PRH1: variants seen among roughly 807,000 people sequenced by gnomAD.
The protein encoded by PRH1 is salivary acidic proline-rich phosphoprotein 1/2.
Under a neutral mutation model 7.9 loss-of-function variants are expected in PRH1, and 7 were observed. That is an observed-to-expected ratio of 0.89 (90% CI 0.50 to 1.67). The LOEUF is 1.67. Among genes scored for constraint, PRH1 ranks in the 40% most tolerant of loss-of-function variants. The pLI is 0.00. For synonymous variants in PRH1, 45 were observed against 80.8 expected, an observed-to-expected ratio of 0.56 and a Z score of 2.38; for missense variants, 109 against 223.6, an observed-to-expected ratio of 0.49 and a Z score of 3.27.
chr12:10,941,538 ATTT>A (rs1436220935), intron 2 of PRH1, among the ~76,000 whole-genome samples: 7 of 149,014 alleles, frequency 4.7e-5, no homozygotes, highest in Non-Finnish European at 1.0e-4. Flanking sequence ...GTTTGAATTT[ATTT>A]ATTATTAAAA....
intron 1 of PRH1, among the ~76,000 whole-genome samples, chr12:11,104,455 T>TGAGA (rs71051566): frequency 2.0e-5 from 3 of 150,186 alleles, no homozygotes; most frequent in Admixed American, 6.7e-5. Context: ...CTCACATCTG[T>TGAGA]ATTATTATCT....
chr12:11,053,378 A>T (rs1943233801), intron 1 of PRH1, among the ~76,000 whole-genome samples: 1 of 152,268 alleles, frequency 6.6e-6, no homozygotes, highest in South Asian at 2.1e-4. Context: ...GAGCTTGATC[A>T]TGAAATGGTT....
chr12:11,074,795 G>T (rs1207770031), intron 1 of PRH1, among the ~76,000 whole-genome samples: 2 of 115,508 alleles, frequency 1.7e-5, no homozygotes, highest in Middle Eastern at 4.0e-3. Context: ...TTGGCCAAAG[G>T]TAAATAGAAA....
At chr12:10,884,049 C>T (rs931318093) in intron 1 of PRH1, 105 bp downstream of exon 1, 6 of 1,357,280 alleles carry the variant, frequency 4.4e-6, no homozygotes, top group Middle Eastern at 1.8e-4. Flanking sequence ...CTCTGCAGTC[C>T]CATCTGTTTT....
At chr12:10,992,636 C>T (rs1443688829) in intron 1 of PRH1, among the ~76,000 whole-genome samples, 1 of 152,168 alleles carries the variant, frequency 6.6e-6, no homozygotes, top group Non-Finnish European at 1.5e-5. Context: ...TGATCTGGAA[C>T]TCCTGGCCTC....
chr12:11,057,938 T>C (rs1943433062), intron 1 of PRH1, among the ~76,000 whole-genome samples: 1 of 152,256 alleles, frequency 6.6e-6, no homozygotes, highest in Non-Finnish European at 1.5e-5. Flanking sequence ...AAAAACATCA[T>C]GCTAATTTAA....
At chr12:11,081,038 C>G (rs78150800) in intron 1 of PRH1, among the ~76,000 whole-genome samples, 1 of 91,716 alleles carries the variant, frequency 1.1e-5, no homozygotes, top group African/African-American at 3.4e-5. Flanking sequence ...TACATGGAGG[C>G]ATACATTTTA....
chr12:11,114,409 A>G (rs1945674555), intron 1 of PRH1, among the ~76,000 whole-genome samples: 1 of 152,228 alleles, frequency 6.6e-6, no homozygotes, highest in Non-Finnish European at 1.5e-5. Flanking sequence ...ACAGGAACAG[A>G]AAACCAAACA....
chr12:11,027,478 A>G (rs1278991390), intron 1 of PRH1, among the ~76,000 whole-genome samples: 2 of 152,202 alleles, frequency 1.3e-5, no homozygotes, highest in African/African-American at 4.8e-5. Context: ...TCTTTTTTAC[A>G]GTATATGGCA....
chr12:10,991,985 G>A (rs7305588), intron 1 of PRH1, among the ~76,000 whole-genome samples: 46,124 of 151,786 alleles, frequency 0.3, 8,815 homozygotes, highest in East Asian at 0.73. Flanking sequence ...TTGATGGACC[G>A]ATAGTTGAAG....
At chr12:11,078,602 A>C (rs1429750158) in intron 1 of PRH1, 1 of 120,668 alleles carries the variant, frequency 8.3e-6, no homozygotes, top group East Asian at 2.0e-4. Flanking sequence ...ATTGTTTTGC[A>C]ATTTTTTTCC....
At chr12:10,986,726 G>C (rs1159549344) in intron 1 of PRH1, 17 of 1,612,920 alleles carry the variant, frequency 1.1e-5, no homozygotes, top group Non-Finnish European at 1.4e-5. Context: ...TGAGAATTTG[G>C]TCAGCTGAGG....
chr12:11,064,102 A>G (rs1943713997), intron 1 of PRH1, among the ~76,000 whole-genome samples: 1 of 152,140 alleles, frequency 6.6e-6, no homozygotes, highest in African/African-American at 2.4e-5. Context: ...GTCCACCTCC[A>G]TGCCACTTTC....
At chr12:11,152,725 A>G (rs888622138) in intron 1 of PRH1, among the ~76,000 whole-genome samples, 11 of 152,210 alleles carry the variant, frequency 7.2e-5, no homozygotes, top group Non-Finnish European at 1.5e-4. Context: ...TATAATTTCC[A>G]TGCCCATTAA....
chr12:11,044,466 C>T (rs1223393777), intron 1 of PRH1, among the ~76,000 whole-genome samples: 4 of 152,042 alleles, frequency 2.6e-5, no homozygotes, highest in Non-Finnish European at 5.9e-5. Flanking sequence ...AAAAATACTT[C>T]TGCACAGCAA....
intron 1 of PRH1, among the ~76,000 whole-genome samples, chr12:11,125,566 A>T (rs1946089011): frequency 6.6e-6 from 1 of 152,294 alleles, no homozygotes; most frequent in African/African-American, 2.4e-5. Flanking sequence ...AATATTCAAA[A>T]AATTTGTAGT....
At chr12:11,021,945 C>T (rs1297766164) in intron 1 of PRH1, 2 of 1,614,018 alleles carry the variant, frequency 1.2e-6, no homozygotes, top group Middle Eastern at 1.6e-4. Flanking sequence ...TATGGAGCCG[C>T]ATCTTCTTGA....
At chr12:11,063,890 T>C (rs980046079) in intron 1 of PRH1, among the ~76,000 whole-genome samples, 1 of 152,134 alleles carries the variant, frequency 6.6e-6, no homozygotes, top group Non-Finnish European at 1.5e-5. Flanking sequence ...TGTATACAAA[T>C]AGTTTATTAT....
intron 1 of PRH1, among the ~76,000 whole-genome samples, chr12:11,109,395 G>A (rs568701774): frequency 2.0e-5 from 3 of 152,234 alleles, no homozygotes; most frequent in East Asian, 1.9e-4. Context: ...CAGCAATGGT[G>A]GACAGAAACC....
Sources: gnomAD v4.1 joint callset for allele counts (sites outside exome capture counted in the v4.1 genomes callset) on GRCh38, gnomAD v4.1.1 for gene constraint, MANE v1.5 for transcripts, NCBI Gene and HGNC (gene_info 2026-07-23, HGNC 2026-07-21) for gene names.